Variants in SESTD1 observed in about 807,000 individuals in gnomAD.
SESTD1 encodes SEC14 domain and spectrin repeat-containing protein 1.
A neutral mutation model predicts 101.7 loss-of-function variants in SESTD1; 43 were observed. The ratio of observed to expected loss-of-function variants is 0.42; its 90% confidence interval spans 0.33 to 0.55. The LOEUF (loss-of-function observed/expected upper bound fraction) is 0.55, where lower values mean the gene tolerates loss of function less well. Among genes scored for constraint, SESTD1 ranks in the 20% least tolerant of loss-of-function variants. The probability of loss-of-function intolerance (pLI) is 0.07; values close to 1 mark genes in which losing one functional copy is unlikely to be tolerated. For synonymous variants in SESTD1, 283 were observed against 286.8 expected (o/e 0.99, Z 0.13); for missense variants, 647 against 815.1 (o/e 0.79, Z 2.51).
At chr2:179,159,147 C>T (rs751493199) in intron 5 of SESTD1, among the ~76,000 whole-genome samples, 7 of 152,050 alleles carry the variant, frequency 4.6e-5, no homozygotes, top group Non-Finnish European at 8.8e-5. Context: ...ACGCTTTTCG[C>T]CTAACAATCA....
intron 1 of SESTD1, among the ~76,000 whole-genome samples, chr2:179,259,283 G>C (rs1256924806): frequency 6.6e-6 from 1 of 152,262 alleles, no homozygotes; most frequent in East Asian, 1.9e-4. Context: ...CCAGGCTGGA[G>C]TGCAGTGGCG....
In SESTD1 at chr2:179,106,940, A is replaced by T. The variant is rs1390760214; in HGVS notation, c.*2959T>A. 3 of 149,708 alleles carry T rather than the reference A, an allele frequency of 2.0e-5. No homozygotes were observed. Among genetic ancestry groups the T allele is most frequent in the African/African-American group, 7.4e-5 (3 of 40,682 alleles). The allele number at this position is 149,708 out of a possible 1,614,324, so 9.3% of individuals were successfully genotyped here. A position where few individuals can be genotyped will look rare whatever the true frequency, so the allele number is the denominator to read the frequency against. On this transcript the variant is annotated 3_prime_UTR_variant, in exon 18 of 18. Coordinates refer to ENST00000428443, the MANE Select transcript of SESTD1 (RefSeq NM_178123.5). Reference sequence around the variant, plus strand: ...CACAGGAGCAAACAAATGATAAAAGAAAAAAAAAATCCTCAAACAAACAAA... The same window carrying T: ...CACAGGAGCAAACAAATGATAAAAGTAAAAAAAAATCCTCAAACAAACAAA...
chr2:179,174,914 G>C (rs1390772225), intron 4 of SESTD1, among the ~76,000 whole-genome samples: 1 of 149,420 alleles, frequency 6.7e-6, no homozygotes. Flanking sequence ...CTGCACTCCA[G>C]GCTGAGTGAC....
intron 14 of SESTD1, among the ~76,000 whole-genome samples, chr2:179,117,132 C>G (rs2154393837): frequency 6.6e-6 from 1 of 152,264 alleles, no homozygotes; most frequent in East Asian, 1.9e-4. Flanking sequence ...CTATATCTAA[C>G]TGAAATGATG....
Position 179,215,691 on chromosome 2 carries a change from A to C in SESTD1, c.-25-23825T>G, listed in dbSNP as rs778582795. 7.4e-5 allele frequency among the ~76,000 whole-genome samples: 10 copies of C among 134,840 alleles called. 1 individual carries two copies. The highest frequency in any genetic ancestry group is 2.2e-4 in the Admixed American group (3 of 13,878). The allele number at this position is 134,840 out of a possible 152,430, so 88.5% of individuals were successfully genotyped here. A position where few individuals can be genotyped will look rare whatever the true frequency, so the allele number is the denominator to read the frequency against. ...AGCCTGGCAGAGACACAATAAAAAA[A>C]AGAGAATTTTAGACCAATATCCCCG... On this transcript the variant is annotated intron_variant, in intron 1 of 17. Transcript: ENST00000428443.
At chr2:179,186,042 T>C (rs1048707826) in intron 2 of SESTD1, among the ~76,000 whole-genome samples, 2 of 145,644 alleles carry the variant, frequency 1.4e-5, no homozygotes, top group Non-Finnish European at 3.0e-5. Context: ...GTATATAATA[T>C]AGCATATACA....
intron 1 of SESTD1, among the ~76,000 whole-genome samples, chr2:179,224,746 G>C (rs2105530684): frequency 6.6e-6 from 1 of 152,234 alleles, no homozygotes; most frequent in South Asian, 2.1e-4. Flanking sequence ...AACCCTACAG[G>C]ACTGGATTCA....
At chr2:179,120,847 T>TGAAGAG (rs2154393963) in intron 13 of SESTD1, among the ~76,000 whole-genome samples, 1 of 152,222 alleles carries the variant, frequency 6.6e-6, no homozygotes, top group African/African-American at 2.4e-5. Context: ...GACAAAGAGT[T>TGAAGAG]GAAGAGGAAG....
intron 1 of SESTD1, among the ~76,000 whole-genome samples, chr2:179,200,503 A>G (rs1182472624): frequency 6.6e-6 from 1 of 152,126 alleles, no homozygotes; most frequent in Admixed American, 6.5e-5. Context: ...GAGGCATCAC[A>G]TTACCTGACT....
intron 1 of SESTD1, among the ~76,000 whole-genome samples, chr2:179,200,522 T>C (rs982442439): frequency 6.6e-6 from 1 of 152,026 alleles, no homozygotes; most frequent in East Asian, 1.9e-4. Context: ...CTTTAAACTA[T>C]ACTACAAGGC....
intron 13 of SESTD1, among the ~76,000 whole-genome samples, chr2:179,120,573 A>G (rs1371647689): frequency 6.6e-6 from 1 of 152,238 alleles, no homozygotes; most frequent in Non-Finnish European, 1.5e-5. Context: ...TGTTTTCAAG[A>G]AAGATGAAAT....
chr2:179,132,065 T>G, intron 10 of SESTD1: 2 of 342,450 alleles, frequency 5.8e-6, no homozygotes, highest in Non-Finnish European at 5.3e-6. Context: ...TAAAATTTCA[T>G]GCAAATTGTG....
At chr2:179,187,266 A>G (rs1245039085) in intron 2 of SESTD1, among the ~76,000 whole-genome samples, 2 of 152,192 alleles carry the variant, frequency 1.3e-5, no homozygotes, top group East Asian at 1.9e-4. Context: ...ACATATCAAT[A>G]TTAGCCTTGA....
chr2:179,136,516 T>C (rs935782822), intron 9 of SESTD1, among the ~76,000 whole-genome samples: 3 of 152,218 alleles, frequency 2.0e-5, no homozygotes, highest in Non-Finnish European at 4.4e-5. Flanking sequence ...GGGAATCAAT[T>C]GCTTCTCATT....
At chr2:179,155,876 T>C (rs913074163) in intron 5 of SESTD1, among the ~76,000 whole-genome samples, 3 of 152,152 alleles carry the variant, frequency 2.0e-5, no homozygotes, top group Non-Finnish European at 4.4e-5. Flanking sequence ...TGTAGTCTTT[T>C]ATCCCTTGCT....
intron 1 of SESTD1, among the ~76,000 whole-genome samples, chr2:179,223,872 C>A (rs2046847301): frequency 2.0e-5 from 3 of 152,136 alleles, no homozygotes; most frequent in African/African-American, 7.2e-5. Flanking sequence ...TATTTTTAAT[C>A]TCAAGGGAAA....
intron 1 of SESTD1, among the ~76,000 whole-genome samples, chr2:179,210,416 C>T (rs1260290916): frequency 7.5e-6 from 1 of 133,962 alleles, no homozygotes; most frequent in Middle Eastern, 3.9e-3. Context: ...GATTAAGATA[C>T]ATGCAAAAAT....
chr2:179,230,963 G>A (rs1409344867), intron 1 of SESTD1, among the ~76,000 whole-genome samples: 6 of 152,120 alleles, frequency 3.9e-5, no homozygotes, highest in Non-Finnish European at 8.8e-5. Flanking sequence ...GCAACTTACA[G>A]GGGCAAGAAA....
chr2:179,158,362 T>C (rs987097381), intron 5 of SESTD1, among the ~76,000 whole-genome samples: 1 of 152,196 alleles, frequency 6.6e-6, no homozygotes, highest in Non-Finnish European at 1.5e-5. Flanking sequence ...CCTTACCATA[T>C]GTATTCCTTT....
Sources: gnomAD v4.1 joint callset for allele counts (sites outside exome capture counted in the v4.1 genomes callset) on GRCh38, gnomAD v4.1.1 for gene constraint, MANE v1.5 for transcripts, NCBI Gene and HGNC (gene_info 2026-07-23, HGNC 2026-07-21) for gene names.